Variants in CALCR observed in about 807,000 individuals in gnomAD.
CALCR encodes the protein calcitonin receptor.
Under a neutral mutation model 59.5 loss-of-function variants are expected in CALCR, and 47 were observed. The observed-to-expected ratio is 0.79, with a 90% CI of 0.63 to 1.01. CALCR has a LOEUF of 1.01. Ranked by LOEUF, CALCR falls within the 50% of genes least tolerant of loss-of-function variation. CALCR has a pLI of 0.00. For missense variants in CALCR, 566 were observed against 597.1 expected (o/e 0.95, Z 0.54); for synonymous variants, 213 against 211.3 (o/e 1.01, Z -0.07).
At chr7:93,470,260 C>A (rs1202978546) in intron 6 of CALCR, among the ~76,000 whole-genome samples, 2 of 129,808 alleles carry the variant, frequency 1.5e-5, no homozygotes, top group African/African-American at 8.3e-5. Context: ...GAATCTTATA[C>A]ACACACACAC....
rs3214144 is a variant in CALCR at position 93,487,079 on chromosome 7, A to ATT, written c.-26-74_-26-73dup. ...ATATTGGCTATGGCATTTCATTTTC[A>ATT]TTTTTTCTATTTGACTTAAAGAGGA... On this transcript the variant is annotated intron_variant, in intron 2 of 13. Transcript: ENST00000426151. 1.0e-5 allele frequency: 8 copies of ATT among 771,722 alleles called. No homozygotes were observed. In the South Asian group the frequency reaches 1.4e-4, roughly 13 times the overall value. The allele number at this position is 771,722 out of a possible 1,614,324, so 47.8% of individuals were successfully genotyped here. A position where few individuals can be genotyped will look rare whatever the true frequency, so the allele number is the denominator to read the frequency against.
chr7:93,511,263 G>A (rs150002670), intron 2 of CALCR, among the ~76,000 whole-genome samples: 166 of 152,212 alleles, frequency 1.1e-3, no homozygotes, highest in African/African-American at 3.9e-3. Context: ...GGATGAGATT[G>A]GAGAAGAATT....
intron 5 of CALCR, among the ~76,000 whole-genome samples, chr7:93,474,950 G>A (rs764491980): frequency 6.6e-6 from 1 of 151,656 alleles, no homozygotes; most frequent in Non-Finnish European, 1.5e-5. Flanking sequence ...TGTTTAAAAG[G>A]CTAAGGAAAT....
At chr7:93,541,298 C>T (rs537938828) in intron 2 of CALCR, among the ~76,000 whole-genome samples, 19 of 152,174 alleles carry the variant, frequency 1.2e-4, no homozygotes, top group South Asian at 2.1e-4. Context: ...CTCAACCTCC[C>T]GAGTAGCTGG....
intron 5 of CALCR, among the ~76,000 whole-genome samples, chr7:93,475,096 A>T (rs1329043388): frequency 2.0e-5 from 3 of 151,754 alleles, no homozygotes; most frequent in African/African-American, 4.8e-5. Context: ...CAACTTGGCA[A>T]TTTTTAGGTA....
At chr7:93,435,780 T>G (rs1799759291) in intron 12 of CALCR, among the ~76,000 whole-genome samples, 172 bp downstream of exon 12, 1 of 149,472 alleles carries the variant, frequency 6.7e-6, no homozygotes, top group African/African-American at 2.5e-5. Context: ...CACTCCAGCC[T>G]GGTGGACAGA....
In CALCR at chr7:93,520,187, A is replaced by G. The variant is rs144307047; in HGVS notation, c.-26-33180T>C. Among the ~76,000 whole-genome samples the G allele has an allele frequency of 5.7e-3, 873 of 152,254 alleles. 9 individuals are homozygous for G. The highest frequency in any genetic ancestry group is 0.02 in the African/African-American group (828 of 41,546). Reference sequence around the variant, plus strand: ...GAAAAAAAGATGGAAAATAGCTGGTAGATATTAATGAAGGAAAGTGAGATG... The same window carrying G: ...GAAAAAAAGATGGAAAATAGCTGGTGGATATTAATGAAGGAAAGTGAGATG... On this transcript the variant is annotated intron_variant, in intron 2 of 13. Transcript: ENST00000426151.
chr7:93,483,213 T>C (rs915599432), intron 3 of CALCR, among the ~76,000 whole-genome samples: 3 of 151,800 alleles, frequency 2.0e-5, no homozygotes, highest in African/African-American at 7.2e-5. Context: ...TCCTGTATTA[T>C]TTAAATCATC....
intron 8 of CALCR, among the ~76,000 whole-genome samples, chr7:93,450,939 G>C (rs1290468576): frequency 2.0e-5 from 3 of 151,800 alleles, no homozygotes; most frequent in Non-Finnish European, 4.4e-5. Flanking sequence ...ATATGATTCA[G>C]ATATTACAGG....
In CALCR at chr7:93,508,673, A is replaced by G. The variant is rs568913306; in HGVS notation, c.-26-21666T>C. ...CAGGTAGAAGGCTAAGATTTCTGGT[A>G]AATCCATGTAGTGATCTGTTTGTTA... On this transcript the variant is annotated intron_variant, in intron 2 of 13. Transcript: ENST00000426151. Among the ~76,000 whole-genome samples the G allele has an allele frequency of 2.7e-4, 41 of 152,306 alleles. No individual in the cohort carries two copies. In the South Asian group the frequency reaches 8.3e-3, roughly 31 times the overall value.
chr7:93,478,303 T>C (rs1800714032), intron 4 of CALCR, among the ~76,000 whole-genome samples: 1 of 151,776 alleles, frequency 6.6e-6, no homozygotes, highest in African/African-American at 2.4e-5. Context: ...ATGGTAAAAA[T>C]AAGAACTACA....
intron 2 of CALCR, among the ~76,000 whole-genome samples, chr7:93,499,808 A>C (rs564022835): frequency 6.6e-6 from 1 of 151,882 alleles, no homozygotes; most frequent in African/African-American, 2.4e-5. Flanking sequence ...GCCATAAGTT[A>C]TAAACTCTTT....
chr7:93,444,894 G>C (rs976040261), intron 8 of CALCR, among the ~76,000 whole-genome samples: 2 of 152,094 alleles, frequency 1.3e-5, no homozygotes, highest in Admixed American at 1.3e-4. Flanking sequence ...AGATAGCCAT[G>C]AAGTGACTTT....
At chr7:93,548,263 A>G (rs1177522765) in intron 2 of CALCR, among the ~76,000 whole-genome samples, 1 of 152,172 alleles carries the variant, frequency 6.6e-6, no homozygotes, top group East Asian at 1.9e-4. Context: ...TCTTTTGGGG[A>G]TATAAAGAAC....
chr7:93,475,490 T>C lies in CALCR; in HGVS notation c.316+2068A>G, dbSNP rs538584365. The stretch of plus-strand genomic sequence containing the variant: ...TCAATGACAACCCTTCCAAGCTTAC[T>C]TGCAATTTTTAAAAGTGGCCACAAT... On this transcript the variant is annotated intron_variant, in intron 5 of 13. Transcript: ENST00000426151. 1.4e-4 allele frequency among the ~76,000 whole-genome samples: 21 copies of C among 151,876 alleles called. No individual in the cohort carries two copies. In the South Asian group the frequency reaches 2.1e-3, roughly 15 times the overall value.
At chr7:93,472,592 T>C (rs889084323) in intron 5 of CALCR, 105 bp from the exon 6 acceptor site, 8 of 683,800 alleles carry the variant, frequency 1.2e-5, no homozygotes, top group East Asian at 2.7e-5. Flanking sequence ...AATCACTTTA[T>C]AGAACTTGAA....
intron 2 of CALCR, among the ~76,000 whole-genome samples, chr7:93,496,980 C>T (rs1801217475): frequency 6.6e-6 from 1 of 151,496 alleles, no homozygotes; most frequent in Non-Finnish European, 1.5e-5. Context: ...CTTGCCAAGG[C>T]ATAATATGGC....
At chr7:93,510,753 C>T (rs1027857860) in intron 2 of CALCR, among the ~76,000 whole-genome samples, 14 of 151,732 alleles carry the variant, frequency 9.2e-5, no homozygotes, top group East Asian at 1.9e-4. Flanking sequence ...TCCCAGCTAC[C>T]GGAGAGGCCA....
intron 9 of CALCR, among the ~76,000 whole-genome samples, chr7:93,440,338 TA>T (rs1469132576): frequency 1.3e-5 from 2 of 152,208 alleles, no homozygotes; most frequent in African/African-American, 4.8e-5. Flanking sequence ...TTAAACTTTA[TA>T]AAGTTTCTGT....
Sources: gnomAD v4.1 joint callset for allele counts (sites outside exome capture counted in the v4.1 genomes callset) on GRCh38, gnomAD v4.1.1 for gene constraint, MANE v1.5 for transcripts, NCBI Gene and HGNC (gene_info 2026-07-23, HGNC 2026-07-21) for gene names.